Variants in NOVA1 observed in about 807,000 individuals in gnomAD.
NOVA1 encodes the protein RNA-binding protein Nova-1.
Under a neutral mutation model 38.0 loss-of-function variants are expected in NOVA1, and 7 were observed. That is an observed-to-expected ratio of 0.18 (90% CI 0.10 to 0.35). The LOEUF is 0.35. Among genes scored for constraint, NOVA1 ranks in the 10% least tolerant of loss-of-function variants. The pLI is 1.00. For synonymous variants in NOVA1, 270 were observed against 232.5 expected (o/e 1.16, Z -1.47); for missense variants, 460 against 616.0 (o/e 0.75, Z 2.68).
chr14:26,545,153 C>T (rs1035818157), intron 2 of NOVA1, among the ~76,000 whole-genome samples: 13 of 151,976 alleles, frequency 8.6e-5, no homozygotes, highest in African/African-American at 3.1e-4. Flanking sequence ...CAGGCTCCAC[C>T]CTCTCTGACT....
intron 2 of NOVA1, among the ~76,000 whole-genome samples, chr14:26,574,799 G>C (rs1415141592): frequency 2.0e-5 from 3 of 151,908 alleles, no homozygotes; most frequent in Non-Finnish European, 4.4e-5. Context: ...TAGGAATACA[G>C]GCTCACACCA....
chr14:26,474,817 T>C (rs949963726), intron 3 of NOVA1, among the ~76,000 whole-genome samples: 1 of 151,988 alleles, frequency 6.6e-6, no homozygotes, highest in African/African-American at 2.4e-5. Context: ...GTTTAAATTA[T>C]TAAAATAATG....
chr14:26,579,873 A>T (rs944794279), intron 2 of NOVA1, among the ~76,000 whole-genome samples: 2 of 152,082 alleles, frequency 1.3e-5, no homozygotes, highest in Admixed American at 6.6e-5. Context: ...CTTAAAACTT[A>T]AAAAAATTAA....
chr14:26,558,493 A>C (rs576646271), intron 2 of NOVA1, among the ~76,000 whole-genome samples: 4 of 152,144 alleles, frequency 2.6e-5, no homozygotes, highest in African/African-American at 9.7e-5. Context: ...TGCTCTAAAA[A>C]ACAGTCCATT....
intron 4 of NOVA1, chr14:26,470,347 C>T: frequency 6.8e-7 from 1 of 1,470,276 alleles, no homozygotes; most frequent in East Asian, 2.5e-5. Flanking sequence ...TTAGAATCTA[C>T]TGGAAAATAC....
intron 3 of NOVA1, among the ~76,000 whole-genome samples, chr14:26,476,078 T>C (rs956641368): frequency 3.3e-5 from 5 of 152,220 alleles, no homozygotes; most frequent in Non-Finnish European, 7.3e-5. Flanking sequence ...AATAAATCTG[T>C]GTACTGTAAC....
At chr14:26,477,275 A>T (rs1184592555) in intron 3 of NOVA1, among the ~76,000 whole-genome samples, 1 of 152,170 alleles carries the variant, frequency 6.6e-6, no homozygotes, top group African/African-American at 2.4e-5. Context: ...GGTTAAATGA[A>T]ATATTTTTGA....
intron 2 of NOVA1, among the ~76,000 whole-genome samples, chr14:26,503,807 G>A (rs1887426200): frequency 6.6e-6 from 1 of 151,834 alleles, no homozygotes; most frequent in Non-Finnish European, 1.5e-5. Flanking sequence ...TTATAACGTA[G>A]CCCTTTACTT....
intron 2 of NOVA1, among the ~76,000 whole-genome samples, chr14:26,584,403 T>C (rs1893397585): frequency 6.6e-6 from 1 of 151,578 alleles, no homozygotes; most frequent in African/African-American, 2.4e-5. Flanking sequence ...CATAAATATA[T>C]ATTTTTTAAT....
chr14:26,499,085 G>A (rs1887059625), intron 2 of NOVA1, among the ~76,000 whole-genome samples: 1 of 152,188 alleles, frequency 6.6e-6, no homozygotes, highest in Admixed American at 6.5e-5. Flanking sequence ...AAATATGTAG[G>A]ATGAACTATC....
rs1885030488 is a variant in NOVA1 at position 26,476,892 on chromosome 14, T to C, written c.447+3085A>G. Among the ~76,000 whole-genome samples, 4 of 151,438 alleles carry C rather than the reference T, an allele frequency of 2.6e-5. No individual in the cohort carries two copies. In the South Asian group the frequency reaches 8.3e-4, roughly 31 times the overall value. ...CACCACACCCGGCTAATTTTGTATT[T>C]TTAGTAGAGATGGGGTTTCTCTATG... On this transcript the variant is annotated intron_variant, in intron 3 of 4. Coordinates refer to ENST00000539517, the MANE Select transcript of NOVA1 (RefSeq NM_002515.3).
intron 4 of NOVA1, among the ~76,000 whole-genome samples, chr14:26,450,661 A>G (rs1236272405): frequency 6.6e-6 from 1 of 152,204 alleles, no homozygotes; most frequent in African/African-American, 2.4e-5. Flanking sequence ...GCTCACAGAC[A>G]TCTTTTTGTA....
chr14:26,576,795 C>T (rs1416499369), intron 2 of NOVA1, among the ~76,000 whole-genome samples: 1 of 151,740 alleles, frequency 6.6e-6, no homozygotes, highest in African/African-American at 2.4e-5. Flanking sequence ...TTTTGATACG[C>T]ATATACATAG....
chr14:26,448,635 G>A lies in NOVA1; in HGVS notation c.848C>T (p.Ala283Val). The A allele has an allele frequency of 6.2e-7, 1 of 1,614,262 alleles. No homozygotes were observed. The highest frequency in any genetic ancestry group is 8.5e-7 in the Non-Finnish European group (1 of 1,180,046). Residue 283 changes from alanine (A) to valine (V), a missense_variant, in exon 5 of 5, where the codon GCA becomes GTA. Coordinates refer to ENST00000539517, the MANE Select transcript of NOVA1 (RefSeq NM_002515.3). This position sits in a 1 kb window ranked among gnomAD's most constrained non-coding sequence, Gnocchi z 5.3. ...ATGTCCTAATAGCCCTGCAGCTGCT[G>A]CAGCAGTTGGTAACACTTCAGCAGT... ...ANTAEVLPTA[A>V]AAAGLLGHAN...
At chr14:26,466,381 G>T (rs999008364) in intron 4 of NOVA1, among the ~76,000 whole-genome samples, 5 of 152,124 alleles carry the variant, frequency 3.3e-5, no homozygotes, top group Non-Finnish European at 5.9e-5. Flanking sequence ...GTAGTTTTTG[G>T]ACTTACTGTA....
At chr14:26,548,228 C>A (rs754795265) in intron 2 of NOVA1, among the ~76,000 whole-genome samples, 10 of 151,970 alleles carry the variant, frequency 6.6e-5, no homozygotes, top group Non-Finnish European at 1.2e-4. Context: ...AGGTACAATT[C>A]TAAATACATA....
intron 2 of NOVA1, among the ~76,000 whole-genome samples, chr14:26,527,166 A>G (rs1451494674): frequency 6.6e-6 from 1 of 152,278 alleles, no homozygotes; most frequent in African/African-American, 2.4e-5. Context: ...TCCCTGGAAA[A>G]CACCCCCAAA....
intron 4 of NOVA1, among the ~76,000 whole-genome samples, chr14:26,452,016 T>C (rs913172538): frequency 6.6e-6 from 1 of 152,180 alleles, no homozygotes; most frequent in African/African-American, 2.4e-5. Context: ...TTTCTAACTT[T>C]AGACAATAGG....
At chr14:26,557,014 G>A (rs1891527999) in intron 2 of NOVA1, among the ~76,000 whole-genome samples, 1 of 152,084 alleles carries the variant, frequency 6.6e-6, no homozygotes, top group Admixed American at 6.6e-5. Context: ...TCTCTCCTTG[G>A]CTTGTAGATG....
Sources: gnomAD v4.1 joint callset for allele counts (sites outside exome capture counted in the v4.1 genomes callset) on GRCh38, gnomAD v4.1.1 for gene constraint, Gnocchi (gnomAD v3.1) non-coding constraint, MANE v1.5 for transcripts, NCBI Gene and HGNC (gene_info 2026-07-23, HGNC 2026-07-21) for gene names.